The following FOXP1 variants were observed in gnomAD, a reference collection of about 807,000 sequenced individuals.
The protein encoded by FOXP1 is forkhead box P1.
FOXP1 carries 15 observed loss-of-function variants against 98.2 expected under a neutral mutation model. That is an observed-to-expected ratio of 0.15 (90% CI 0.10 to 0.24). FOXP1 has a LOEUF of 0.24. Among genes scored for constraint, FOXP1 ranks in the 10% least tolerant of loss-of-function variants. The pLI is 1.00. For missense variants in FOXP1, 633 were observed against 848.5 expected (o/e 0.75, Z 3.15); for synonymous variants, 371 against 314.5 (o/e 1.18, Z -1.90).
chr3:71,359,375 T>C (rs1447913017), intron 3 of FOXP1, 131 bp from the exon 4 acceptor site: 1 of 152,228 alleles, frequency 6.6e-6, no homozygotes, highest in Non-Finnish European at 1.5e-5. Context: ...TAATCATGTA[T>C]CTAAGCATCT....
At chr3:71,108,781 C>G (rs1409839392) in intron 7 of FOXP1, among the ~76,000 whole-genome samples, 1 of 152,076 alleles carries the variant, frequency 6.6e-6, no homozygotes, top group African/African-American at 2.4e-5. Context: ...AAAGAGCCTA[C>G]TATTTTTACT....
chr3:71,538,588 T>A (rs1209407929), intron 2 of FOXP1, among the ~76,000 whole-genome samples: 3 of 152,248 alleles, frequency 2.0e-5, no homozygotes, highest in African/African-American at 7.2e-5. Context: ...GTCTCCACTC[T>A]TTGGCTATTA....
chr3:71,535,842 A>C (rs939796062), intron 2 of FOXP1, among the ~76,000 whole-genome samples: 18 of 152,302 alleles, frequency 1.2e-4, no homozygotes, highest in African/African-American at 3.6e-4. Flanking sequence ...TCCTAAAGAT[A>C]TCCCAAGATC....
At chr3:70,969,760 T>C (rs2035794447) in intron 19 of FOXP1, 1 of 152,202 alleles carries the variant, frequency 6.6e-6, no homozygotes, top group South Asian at 2.1e-4. Flanking sequence ...TCAGAACCAA[T>C]CTAGGGGTGA....
intron 3 of FOXP1, among the ~76,000 whole-genome samples, chr3:71,440,722 A>G (rs1362616406): frequency 6.6e-6 from 1 of 151,010 alleles, no homozygotes; most frequent in Non-Finnish European, 1.5e-5. Context: ...ATAGTTATCC[A>G]GGCATGCTGG....
chr3:71,476,830 T>A (rs2089890745), intron 3 of FOXP1, among the ~76,000 whole-genome samples: 1 of 152,076 alleles, frequency 6.6e-6, no homozygotes, highest in Non-Finnish European at 1.5e-5. Context: ...TTAATGTGTT[T>A]GTTCTTAAAT....
At chr3:71,034,439 G>A (rs528875865) in intron 11 of FOXP1, among the ~76,000 whole-genome samples, 1 of 152,268 alleles carries the variant, frequency 6.6e-6, no homozygotes, top group Non-Finnish European at 1.5e-5. Flanking sequence ...TATGTGACGT[G>A]TGCAAGCGAT....
In FOXP1 at chr3:70,955,349, G is replaced by A. The variant is rs2106790396; in HGVS notation, c.*3898C>T. ...GCTGTCCAAAGGTGGCAGGACTGGT[G>A]GTAACTCTTCACGTATGTACATAAG... is the stretch of plus-strand genomic sequence containing the variant. On this transcript the variant is annotated 3_prime_UTR_variant, in exon 21 of 21. Transcript: ENST00000649528. 4.3e-6 allele frequency: 1 copy of A among 232,850 alleles called. No homozygotes were observed. The allele number at this position is 232,850 out of a possible 1,614,324, so 14.4% of individuals were successfully genotyped here.
intron 6 of FOXP1, among the ~76,000 whole-genome samples, chr3:71,195,471 C>T (rs1005043485): frequency 1.3e-5 from 2 of 152,160 alleles, no homozygotes; most frequent in East Asian, 1.9e-4. Context: ...TAACACACAG[C>T]GTAATTAACT....
chr3:71,345,551 A>G (rs2077283793), intron 4 of FOXP1, among the ~76,000 whole-genome samples: 1 of 151,996 alleles, frequency 6.6e-6, no homozygotes, highest in South Asian at 2.1e-4. Context: ...CTTTTTCTCA[A>G]CATGAACATA....
At position 71,077,884 on chromosome 3, in the gene FOXP1, G is replaced by A. The variant is rs961286406; in HGVS notation, c.283-24111C>T. ...TTTCACTCTTGTTGCCCAGGCTGGA[G>A]TGCAATGGCGTGATCTCGGCTCACC... On this transcript the variant is annotated intron_variant, in intron 7 of 20. Coordinates refer to ENST00000649528, the MANE Select transcript of FOXP1 (RefSeq NM_001349338.3). Among the ~76,000 whole-genome samples, 4 of 151,098 alleles carry A rather than the reference G, an allele frequency of 2.6e-5. No individual in the cohort carries two copies. In the South Asian group the frequency reaches 8.3e-4, roughly 31 times the overall value.
intron 2 of FOXP1, among the ~76,000 whole-genome samples, chr3:71,565,069 A>G (rs1384795894): frequency 1.3e-5 from 2 of 152,242 alleles, no homozygotes; most frequent in Non-Finnish European, 2.9e-5. Flanking sequence ...ACTGCACTCC[A>G]GCCTGGGCGA....
intron 5 of FOXP1, among the ~76,000 whole-genome samples, chr3:71,239,380 T>TA (rs948401643): frequency 6.6e-6 from 1 of 151,950 alleles, no homozygotes; most frequent in Non-Finnish European, 1.5e-5. Context: ...CCGTCTCTAC[T>TA]AAAAATACAA....
intron 3 of FOXP1, among the ~76,000 whole-genome samples, chr3:71,425,530 C>A (rs1426923489): frequency 6.6e-6 from 1 of 152,040 alleles, no homozygotes; most frequent in Non-Finnish European, 1.5e-5. Flanking sequence ...GCTGGAACTC[C>A]CTCAACTTCC....
At chr3:71,183,018 A>G (rs1294903349) in intron 6 of FOXP1, among the ~76,000 whole-genome samples, 1 of 152,138 alleles carries the variant, frequency 6.6e-6, no homozygotes, top group Non-Finnish European at 1.5e-5. Flanking sequence ...TCAAACTTAT[A>G]TGTTAGCATT....
chr3:71,389,437 G>A (rs1172253903), intron 3 of FOXP1, among the ~76,000 whole-genome samples: 1 of 152,084 alleles, frequency 6.6e-6, no homozygotes, highest in African/African-American at 2.4e-5. Context: ...TATAAGTGCT[G>A]TTGCAGTAAG....
chr3:71,239,455 A>G (rs935845172), intron 5 of FOXP1, among the ~76,000 whole-genome samples: 18 of 152,114 alleles, frequency 1.2e-4, no homozygotes, highest in African/African-American at 4.3e-4. Context: ...AAGGCAGGAG[A>G]ATTGCTTAAA....
chr3:71,404,017 T>C (rs1480227578), intron 3 of FOXP1, among the ~76,000 whole-genome samples: 2 of 151,216 alleles, frequency 1.3e-5, no homozygotes, highest in Non-Finnish European at 2.9e-5. Context: ...GATGTCTTTC[T>C]AAAACAAAGA....
At chr3:71,030,075 A>C (rs1040761352) in intron 11 of FOXP1, among the ~76,000 whole-genome samples, 2 of 152,234 alleles carry the variant, frequency 1.3e-5, no homozygotes, top group African/African-American at 4.8e-5. Flanking sequence ...GAGGCACACC[A>C]AGCTCAAGTA....
Sources: allele counts gnomAD v4.1 joint callset (sites outside exome capture counted in the v4.1 genomes callset), GRCh38; gene constraint gnomAD v4.1.1; transcripts MANE v1.5; gene names NCBI Gene and HGNC (gene_info 2026-07-23, HGNC 2026-07-21).